GNG4: variants seen among roughly 807,000 people sequenced by gnomAD.
The protein encoded by GNG4 is G protein subunit gamma 4.
In GNG4, 4 loss-of-function variants were observed where a neutral mutation model predicts 5.8. That is an observed-to-expected ratio of 0.69 (90% CI 0.34 to 1.57). The LOEUF (loss-of-function observed/expected upper bound fraction) is 1.57. GNG4 is among the 40% of genes most tolerant of loss of function. The pLI, the probability that GNG4 is intolerant of heterozygous loss-of-function variation, is 0.06. For missense variants in GNG4, 96 were observed against 95.1 expected, an observed-to-expected ratio of 1.01 and a Z score of -0.04; for synonymous variants, 29 against 32.9, an observed-to-expected ratio of 0.88 and a Z score of 0.41.
At chr1:235,570,862 A>ATATGTGTG (rs143958257) in intron 3 of GNG4, among the ~76,000 whole-genome samples, 2,283 of 141,492 alleles carry the variant, frequency 0.016, 54 homozygotes, top group African/African-American at 0.045. Context: ...ATATATATAT[A>ATATGTGTG]TGTGTGTGTG....
chr1:235,570,862 A>ATATATGTG lies in GNG4; in HGVS notation c.99+12877_99+12878insCACATATA, dbSNP rs143958257. 5.6e-5 allele frequency among the ~76,000 whole-genome samples: 8 copies of ATATATGTG among 141,598 alleles called. No homozygotes were observed. The East Asian group carries it at 1.1e-3, about 19-fold the overall frequency. The allele number at this position is 141,598 out of a possible 152,430, so 92.9% of individuals were successfully genotyped here. A position where few individuals can be genotyped will look rare whatever the true frequency, so the allele number is the denominator to read the frequency against. ...CATATCCAGCTAATTATATATATAT[A>ATATATGTG]TGTGTGTGTGTGTGTGTGTATATGT... On this transcript the variant is annotated intron_variant, in intron 3 of 3. Coordinates refer to ENST00000391854, the MANE Select transcript of GNG4 (RefSeq NM_001098722.2).
At position 235,644,606 on chromosome 1, in the gene GNG4, A is replaced by G. The variant is rs1056949092; in HGVS notation, c.-123+5056T>C. 6.6e-6 allele frequency among the ~76,000 whole-genome samples: 1 copy of G among 152,234 alleles called. No individual in the cohort carries two copies. The highest frequency in any genetic ancestry group is 1.5e-5 in the Non-Finnish European group (1 of 68,046). On this transcript the variant is annotated intron_variant, in intron 1 of 3. Coordinates refer to ENST00000391854, the MANE Select transcript of GNG4 (RefSeq NM_001098722.2). The surrounding 1 kb of genome is among the most constrained non-coding windows in gnomAD (Gnocchi z 5.9). The stretch of plus-strand genomic sequence containing the variant: ...GCCGGGGGGATAAACAAGCACCTTC[A>G]GACTAGAGCAGCTTCTGAGTGATAC...
chr1:235,616,277 CAA>C, intron 1 of GNG4: 1 of 469,198 alleles, frequency 2.1e-6, no homozygotes, highest in South Asian at 1.7e-5. Context: ...TGAGGTCTGC[CAA>C]GAGGATGGGA....
At chr1:235,643,195 G>C (rs146014885) in intron 1 of GNG4, among the ~76,000 whole-genome samples, 1 of 152,080 alleles carries the variant, frequency 6.6e-6, no homozygotes, top group Non-Finnish European at 1.5e-5. Context: ...CATTCTTCAC[G>C]GTCAGTCTCA....
chr1:235,562,673 GAAAAAA>G (rs1195775836), intron 3 of GNG4, among the ~76,000 whole-genome samples: 1 of 123,004 alleles, frequency 8.1e-6, no homozygotes, highest in African/African-American at 2.9e-5. Context: ...AAAAAAAAAA[GAAAAAA>G]AAAAAAGAAG....
upstream of GNG4, among the ~76,000 whole-genome samples, chr1:235,650,286 G>A (rs1189710608): frequency 5.0e-5 from 2 of 40,054 alleles, no homozygotes; most frequent in South Asian, 1.3e-3. Flanking sequence ...GGGCGCGGCG[G>A]GGGGGAGATC....
chr1:235,620,558 C>T (rs1210049930), intron 1 of GNG4, among the ~76,000 whole-genome samples: 6 of 152,120 alleles, frequency 3.9e-5, no homozygotes, highest in Admixed American at 2.0e-4. Context: ...GTTTTTGAGA[C>T]GGAGTCTCGC....
chr1:235,600,636 C>T (rs1688240152), intron 1 of GNG4, among the ~76,000 whole-genome samples: 1 of 151,324 alleles, frequency 6.6e-6, no homozygotes, highest in Non-Finnish European at 1.5e-5. Context: ...ATTGCCCAGG[C>T]CGGTTTTGAA....
In GNG4 at chr1:235,649,405, CG is replaced by C. The variant is rs1469008923; in HGVS notation, c.-123+256del. ...GCCCCCAGCCCCGGAAGCCCCTGGA[CG>C]CGCTCCGAGGGGGCTGTCCACACCC... On this transcript the variant is annotated intron_variant, in intron 1 of 3. Transcript: ENST00000391854. The surrounding 1 kb of genome is among the most constrained non-coding windows in gnomAD (Gnocchi z 5.7). 4.6e-5 allele frequency among the ~76,000 whole-genome samples: 7 copies of C among 152,106 alleles called. No homozygotes were observed. The highest frequency in any genetic ancestry group is 1.5e-5 in the Non-Finnish European group (1 of 67,986).
chr1:235,570,923 T>TACACATATAC lies in GNG4; in HGVS notation c.99+12816_99+12817insGTATATGTGT, dbSNP rs374579255. ...GTGTGTGTGTGTATACATATATATA[T>TACACATATAC]ACACACACACACACACACACACATA... On this transcript the variant is annotated intron_variant, in intron 3 of 3. Transcript: ENST00000391854. Among the ~76,000 whole-genome samples, 793 of 97,026 alleles carry TACACATATAC rather than the reference T, an allele frequency of 8.2e-3. 3 individuals carry two copies. The highest frequency in any genetic ancestry group is 0.023 in the African/African-American group (571 of 25,310). The allele number at this position is 97,026 out of a possible 152,430, so 63.7% of individuals were successfully genotyped here.
chr1:235,619,176 T>C (rs28637736), intron 1 of GNG4, among the ~76,000 whole-genome samples: 25,471 of 110,264 alleles, frequency 0.23, 4,728 homozygotes, highest in East Asian at 0.6. Context: ...TATATATATA[T>C]ACACACACAT....
chr1:235,589,718 G>C (rs573797665), intron 2 of GNG4, among the ~76,000 whole-genome samples: 4 of 152,310 alleles, frequency 2.6e-5, no homozygotes, highest in East Asian at 3.9e-4. Context: ...AGGGGAGAAA[G>C]CTCTGTCTTT....
intron 2 of GNG4, among the ~76,000 whole-genome samples, chr1:235,594,290 C>T (rs982006874): frequency 1.4e-4 from 22 of 152,160 alleles, no homozygotes; most frequent in African/African-American, 4.6e-4. Flanking sequence ...TACAGAGTGC[C>T]GATTGGTGTA....
intron 1 of GNG4, among the ~76,000 whole-genome samples, chr1:235,640,399 G>A (rs574552251): frequency 2.6e-4 from 39 of 152,296 alleles, no homozygotes; most frequent in African/African-American, 8.9e-4. Flanking sequence ...AGAATGTCCA[G>A]GGGATGAGGC....
chr1:235,626,156 T>C (rs1283169523), intron 1 of GNG4, among the ~76,000 whole-genome samples: 12 of 152,226 alleles, frequency 7.9e-5, no homozygotes, highest in Admixed American at 7.9e-4. Flanking sequence ...TCTCCTCCTT[T>C]TCATTTGCAT....
intron 3 of GNG4, among the ~76,000 whole-genome samples, chr1:235,582,533 C>T (rs183002898): frequency 1.3e-5 from 2 of 152,344 alleles, no homozygotes; most frequent in East Asian, 1.9e-4. Flanking sequence ...ATGCCTTTCA[C>T]TGCAGTCCTC....
chr1:235,602,850 A>C (rs1031069385), intron 1 of GNG4, among the ~76,000 whole-genome samples: 1 of 152,200 alleles, frequency 6.6e-6, no homozygotes, highest in African/African-American at 2.4e-5. Flanking sequence ...TTTCAGCTGT[A>C]AGAAAAATTG....
At chr1:235,610,189 G>A (rs776466571) in intron 1 of GNG4, among the ~76,000 whole-genome samples, 4 of 152,112 alleles carry the variant, frequency 2.6e-5, no homozygotes, top group East Asian at 1.9e-4. Flanking sequence ...CCAAGATAGC[G>A]GCCGTTATTT....
intron 1 of GNG4, among the ~76,000 whole-genome samples, chr1:235,618,377 T>C (rs1688640019): frequency 6.6e-6 from 1 of 152,222 alleles, no homozygotes; most frequent in Admixed American, 6.5e-5. Flanking sequence ...ACGGATATAC[T>C]TGTCTGTAAA....
Sources: gnomAD v4.1 joint callset for allele counts (sites outside exome capture counted in the v4.1 genomes callset) on GRCh38, gnomAD v4.1.1 for gene constraint, Gnocchi (gnomAD v3.1) non-coding constraint, MANE v1.5 for transcripts, NCBI Gene and HGNC (gene_info 2026-07-23, HGNC 2026-07-21) for gene names.